Variants in PDSS1 observed in about 807,000 individuals in gnomAD.
The protein encoded by PDSS1 is all trans-polyprenyl-diphosphate synthase PDSS1.
PDSS1 carries 43 observed loss-of-function variants against 57.5 expected under a neutral mutation model. That is an observed-to-expected ratio of 0.75 (90% CI 0.59 to 0.96). PDSS1 has a LOEUF of 0.96. PDSS1 is among the 50% of genes least tolerant of loss of function. The pLI is 0.00. For synonymous variants in PDSS1, 175 were observed against 191.3 expected, an observed-to-expected ratio of 0.91 and a Z score of 0.70; for missense variants, 438 against 527.8, an observed-to-expected ratio of 0.83 and a Z score of 1.67.
At position 26,730,787 on chromosome 10, in the gene PDSS1, A is replaced by G. The variant is rs142527120; in HGVS notation, c.832-4453A>G. ...TTTCGTTTAGCACAAACAGGCAGAC[A>G]CAAGTATGCTATCTTCCCTTCTTTC... On this transcript the variant is annotated intron_variant, in intron 8 of 11. Coordinates refer to ENST00000376215, the MANE Select transcript of PDSS1 (RefSeq NM_014317.5). Among the ~76,000 whole-genome samples, 669 of 152,240 alleles carry G rather than the reference A, an allele frequency of 4.4e-3. 6 individuals carry two copies. Among genetic ancestry groups the G allele is most frequent in the Middle Eastern group, 0.017 (5 of 294 alleles).
At chr10:26,719,557 C>G (rs1385631904) in intron 5 of PDSS1, among the ~76,000 whole-genome samples, 1 of 152,166 alleles carries the variant, frequency 6.6e-6, no homozygotes, top group Non-Finnish European at 1.5e-5. Flanking sequence ...CACTTGAGGT[C>G]AGGAGTTCGA....
intron 8 of PDSS1, among the ~76,000 whole-genome samples, chr10:26,733,704 G>C (rs1836292796): frequency 6.6e-6 from 1 of 152,150 alleles, no homozygotes; most frequent in African/African-American, 2.4e-5. Flanking sequence ...GCCAGGTGCG[G>C]TGGCTCACAC....
intron 10 of PDSS1, among the ~76,000 whole-genome samples, chr10:26,737,509 G>A (rs1341198979): frequency 6.6e-6 from 1 of 151,886 alleles, no homozygotes; most frequent in Non-Finnish European, 1.5e-5. Context: ...GAGGCAGTTG[G>A]ATTATGAGGT....
At chr10:26,740,161 T>TAAA (rs1564436809) in intron 10 of PDSS1, among the ~76,000 whole-genome samples, 68 of 148,518 alleles carry the variant, frequency 4.6e-4, no homozygotes, top group African/African-American at 1.6e-3. Context: ...AAAAAAAAAT[T>TAAA]AAAAAATTAG....
At chr10:26,713,714 T>G (rs1835468119) in intron 5 of PDSS1, among the ~76,000 whole-genome samples, 1 of 152,136 alleles carries the variant, frequency 6.6e-6, no homozygotes. Context: ...AACAGTAGAC[T>G]CAGACTTGAC....
intron 11 of PDSS1, 34 bp downstream of exon 11, chr10:26,742,611 AG>A: frequency 7.4e-7 from 1 of 1,342,672 alleles, no homozygotes; most frequent in South Asian, 1.2e-5. Context: ...AGGCAGCAGC[AG>A]GAACAACGTG....
intron 2 of PDSS1, among the ~76,000 whole-genome samples, chr10:26,704,126 AT>A (rs1403315003): frequency 6.8e-6 from 1 of 147,706 alleles, no homozygotes; most frequent in Non-Finnish European, 1.5e-5. Context: ...ATACATGTTC[AT>A]TAGAGAAGAA....
chr10:26,742,994 G>C (rs550309499), intron 11 of PDSS1, among the ~76,000 whole-genome samples: 1 of 152,190 alleles, frequency 6.6e-6, no homozygotes, highest in African/African-American at 2.4e-5. Flanking sequence ...CTGCTGGACT[G>C]CTGCAATAGT....
At chr10:26,735,097 G>C (rs1305490727) in intron 8 of PDSS1, 143 bp from the exon 9 acceptor site, 5 of 728,394 alleles carry the variant, frequency 6.9e-6, no homozygotes, top group Admixed American at 3.8e-5. Flanking sequence ...GTACATGCTT[G>C]GTGTCCCTCT....
intron 11 of PDSS1, among the ~76,000 whole-genome samples, chr10:26,745,409 A>G (rs1264517839): frequency 6.6e-6 from 1 of 152,220 alleles, no homozygotes; most frequent in Non-Finnish European, 1.5e-5. Flanking sequence ...TAGAAGATAA[A>G]ATCTGAAGTT....
rs1835749199 is a variant in PDSS1, at chr10:26,720,492, G to A, written c.609+133G>A. The A allele has an allele frequency of 3.0e-5, 22 of 722,450 alleles. No homozygotes were observed. In the South Asian group the frequency reaches 3.1e-4, roughly 10 times the overall value. The allele number at this position is 722,450 out of a possible 1,614,324, so 44.8% of individuals were successfully genotyped here. On this transcript the variant is annotated intron_variant, in intron 6 of 11. Transcript: ENST00000376215. Reference sequence around the variant, plus strand: ...ATGTGGTCTTCTGAATTTCAAAAAAGTATTCATGTCTTGTCCAAATACAGA... The same window carrying A: ...ATGTGGTCTTCTGAATTTCAAAAAAATATTCATGTCTTGTCCAAATACAGA...
chr10:26,734,825 A>T, intron 8 of PDSS1: 1 of 451,882 alleles, frequency 2.2e-6, no homozygotes, highest in South Asian at 1.6e-5. Context: ...ATTGATAGAG[A>T]TGATTAAAGC....
chr10:26,709,469 G>A (rs1458173153), intron 4 of PDSS1, among the ~76,000 whole-genome samples, 169 bp from the exon 5 acceptor site: 1 of 152,014 alleles, frequency 6.6e-6, no homozygotes, highest in African/African-American at 2.4e-5. Context: ...GCTGAGGCAG[G>A]AGAATCGCAT....
chr10:26,726,453 T>C (rs1835950123), intron 8 of PDSS1, among the ~76,000 whole-genome samples: 1 of 152,204 alleles, frequency 6.6e-6, no homozygotes, highest in Non-Finnish European at 1.5e-5. Context: ...AGAGGTGTTA[T>C]GGATTCAAAA....
At chr10:26,735,799 T>C (rs1004810748) in intron 10 of PDSS1, among the ~76,000 whole-genome samples, 3 of 152,204 alleles carry the variant, frequency 2.0e-5, no homozygotes, top group Non-Finnish European at 4.4e-5. Context: ...GAAGATCACC[T>C]TTCTCCCAGG....
At chr10:26,721,482 A>G (rs1184596616) in intron 6 of PDSS1, among the ~76,000 whole-genome samples, 2 of 151,750 alleles carry the variant, frequency 1.3e-5, no homozygotes, top group Admixed American at 6.6e-5. Flanking sequence ...TTATCTTCAC[A>G]TGCTGGTTTT....
chr10:26,707,161 A>G (rs1835258778), intron 4 of PDSS1, among the ~76,000 whole-genome samples: 1 of 151,918 alleles, frequency 6.6e-6, no homozygotes, highest in Non-Finnish European at 1.5e-5. Context: ...CAGTGTGTTT[A>G]CCGGAGTTTT....
At chr10:26,713,108 C>T (rs79876682) in intron 5 of PDSS1, among the ~76,000 whole-genome samples, 1 of 95,924 alleles carries the variant, frequency 1.0e-5, no homozygotes, top group Non-Finnish European at 2.4e-5. Context: ...CTGGCTAACA[C>T]GGTGAAACCC....
At chr10:26,715,326 A>C (rs2132245771) in intron 5 of PDSS1, 1 of 152,072 alleles carries the variant, frequency 6.6e-6, no homozygotes, top group South Asian at 2.1e-4. Flanking sequence ...AGGGCTTGTG[A>C]CCGTGGTGTG....
Sources: allele counts gnomAD v4.1 joint callset (sites outside exome capture counted in the v4.1 genomes callset), GRCh38; gene constraint gnomAD v4.1.1; transcripts MANE v1.5; gene names NCBI Gene and HGNC (gene_info 2026-07-23, HGNC 2026-07-21).